Variants in TBC1D8 observed in about 807,000 individuals in gnomAD.
The protein encoded by TBC1D8 is TBC1 domain family member 8.
In TBC1D8, 65 loss-of-function variants were observed where a neutral mutation model predicts 118.8. That is an observed-to-expected ratio of 0.55 (90% CI 0.45 to 0.67). The LOEUF is 0.67. Among genes scored for constraint, TBC1D8 ranks in the 30% least tolerant of loss-of-function variants. TBC1D8 has a pLI of 0.00. For synonymous variants in TBC1D8, 566 were observed against 595.8 expected, an observed-to-expected ratio of 0.95 and a Z score of 0.73; for missense variants, 1,376 against 1,471.2, an observed-to-expected ratio of 0.94 and a Z score of 1.06.
At position 101,146,896 on chromosome 2, in the gene TBC1D8, ACT is replaced by A. The variant is rs1679339802; in HGVS notation, c.127+4229_127+4230del. On this transcript the variant is annotated intron_variant, in intron 1 of 19. Transcript: ENST00000409318. ...CTCCCATCCTGGTAACCACTGTTCT[ACT>A]CTCTGCTTTTATAATACCAACTTTT... 3.9e-5 allele frequency among the ~76,000 whole-genome samples: 6 copies of A among 152,218 alleles called. No individual in the cohort carries two copies. In the South Asian group the frequency reaches 1.0e-3, roughly 26 times the overall value.
rs578006340 is a variant in TBC1D8, at chr2:101,128,921, G to A, written c.127+22206C>T. 6.0e-5 allele frequency among the ~76,000 whole-genome samples: 9 copies of A among 151,244 alleles called. No individual in the cohort carries two copies. The East Asian group carries it at 1.4e-3, about 23-fold the overall frequency. ...AGTAGAATGATGGTTACCATAGAGG[G>A]AGGGAGCAGTGGTTACCATAGAGGG... On this transcript the variant is annotated intron_variant, in intron 1 of 19. Transcript: ENST00000409318.
intron 1 of TBC1D8, among the ~76,000 whole-genome samples, chr2:101,130,395 A>C (rs1003932677): frequency 6.6e-6 from 1 of 152,200 alleles, no homozygotes; most frequent in Non-Finnish European, 1.5e-5. Flanking sequence ...CCCCTCACCA[A>C]GTCGGACCCT....
chr2:101,098,173 A>G (rs935874054), intron 1 of TBC1D8, among the ~76,000 whole-genome samples: 1 of 152,174 alleles, frequency 6.6e-6, no homozygotes, highest in East Asian at 1.9e-4. Flanking sequence ...TGGGCGGAGT[A>G]CCTGAGGTCA....
intron 1 of TBC1D8, among the ~76,000 whole-genome samples, chr2:101,137,311 G>A (rs1200531852): frequency 2.0e-5 from 3 of 147,048 alleles, no homozygotes; most frequent in East Asian, 2.1e-4. Context: ...GGGATTACAG[G>A]CGTGAGCCAC....
intron 19 of TBC1D8, among the ~76,000 whole-genome samples, chr2:101,009,835 T>G (rs1338347501): frequency 6.6e-6 from 1 of 151,472 alleles, no homozygotes; most frequent in Non-Finnish European, 1.5e-5. Flanking sequence ...TTCTTTTTTT[T>G]TTTTGAGATG....
At chr2:101,055,129 C>T (rs1347898838) in intron 3 of TBC1D8, among the ~76,000 whole-genome samples, 1 of 151,820 alleles carries the variant, frequency 6.6e-6, no homozygotes, top group African/African-American at 2.4e-5. Context: ...GTGGTTCACA[C>T]CTGTAATCCC....
intron 2 of TBC1D8, among the ~76,000 whole-genome samples, chr2:101,079,901 C>G (rs144227456): frequency 6.6e-6 from 1 of 151,728 alleles, no homozygotes; most frequent in Non-Finnish European, 1.5e-5. Context: ...TTAGCTAGGA[C>G]GGTCTCGATC....
intron 4 of TBC1D8, 25 bp from the exon 5 acceptor site, chr2:101,050,666 C>T: frequency 6.2e-7 from 1 of 1,602,806 alleles, no homozygotes; most frequent in African/African-American, 1.3e-5. Flanking sequence ...GGTGAAATAC[C>T]TATTATGCCA....
chr2:101,088,852 A>G (rs1434408993), intron 2 of TBC1D8, among the ~76,000 whole-genome samples: 3 of 152,108 alleles, frequency 2.0e-5, no homozygotes, highest in Non-Finnish European at 4.4e-5. Flanking sequence ...GATTACAGGC[A>G]TGAGCCACCA....
intron 1 of TBC1D8, among the ~76,000 whole-genome samples, chr2:101,126,681 A>G (rs1448675950): frequency 6.6e-6 from 1 of 152,254 alleles, no homozygotes; most frequent in Non-Finnish European, 1.5e-5. Flanking sequence ...TATTACTACA[A>G]TGCTAATAAG....
chr2:101,086,299 A>G (rs1301316674), intron 2 of TBC1D8, among the ~76,000 whole-genome samples: 1 of 152,218 alleles, frequency 6.6e-6, no homozygotes. Context: ...AATGAAAAGC[A>G]GATAACAGCT....
rs188634305 is a variant in TBC1D8, at chr2:101,128,445, C to G, written c.127+22682G>C. Among the ~76,000 whole-genome samples, 249 of 152,290 alleles carry G rather than the reference C, an allele frequency of 1.6e-3. No individual in the cohort carries two copies. The South Asian group carries it at 0.018, about 11-fold the overall frequency. On this transcript the variant is annotated intron_variant, in intron 1 of 19. Coordinates refer to ENST00000409318, the MANE Select transcript of TBC1D8 (RefSeq NM_001330348.2). Reference sequence around the variant, plus strand: ...AGCCAGGGGCCCATGACTGGGGCCTCAGCCCCAGCAAATTCAGTACAATGC... The same window carrying G: ...AGCCAGGGGCCCATGACTGGGGCCTGAGCCCCAGCAAATTCAGTACAATGC...
At position 101,022,345 on chromosome 2, in the gene TBC1D8, C is replaced by T. The variant is rs755687139; in HGVS notation, c.2697G>A (p.Thr899=). Residue 899 remains threonine, a synonymous_variant, in exon 16 of 20, where the codon ACG becomes ACA. Coordinates refer to ENST00000409318, the MANE Select transcript of TBC1D8 (RefSeq NM_001330348.2). ...CCATGTTGTCATCCAAGAGCCTGAACGTCCTTTCGGCGAGGATCTCCGTGT... is the reference window on the plus strand; with the variant it reads ...CCATGTTGTCATCCAAGAGCCTGAATGTCCTTTCGGCGAGGATCTCCGTGT... ...GAHTEILAER[T]FRLLDDNMDQ... The T allele has an allele frequency of 5.6e-5, 90 of 1,612,510 alleles. No individual in the cohort carries two copies. The highest frequency in any genetic ancestry group is 1.7e-4 in the Middle Eastern group (1 of 6,058).
At chr2:101,041,182 A>C (rs1382070498) in intron 5 of TBC1D8, among the ~76,000 whole-genome samples, 2 of 152,150 alleles carry the variant, frequency 1.3e-5, no homozygotes, top group Admixed American at 1.3e-4. Flanking sequence ...AAGAAATTCC[A>C]CTCCTAGGTA....
At chr2:101,062,803 G>GT (rs1558666127) in intron 2 of TBC1D8, among the ~76,000 whole-genome samples, 2 of 152,198 alleles carry the variant, frequency 1.3e-5, no homozygotes, top group East Asian at 3.9e-4. Flanking sequence ...CACCACGCCT[G>GT]GCTAACTTTT....
intron 17 of TBC1D8, among the ~76,000 whole-genome samples, chr2:101,013,919 A>G (rs908378622): frequency 6.6e-6 from 1 of 152,248 alleles, no homozygotes; most frequent in African/African-American, 2.4e-5. Context: ...AGTGGTTGGA[A>G]ACAGCAATCA....
chr2:101,087,082 C>T (rs1477868445), intron 2 of TBC1D8, among the ~76,000 whole-genome samples: 1 of 152,178 alleles, frequency 6.6e-6, no homozygotes, highest in African/African-American at 2.4e-5. Flanking sequence ...CCGCGCCCGG[C>T]TGAATTTCAT....
chr2:101,014,830 T>C (rs566082472), intron 17 of TBC1D8, among the ~76,000 whole-genome samples: 1 of 152,332 alleles, frequency 6.6e-6, no homozygotes, highest in Non-Finnish European at 1.5e-5. Context: ...GGGTATAACT[T>C]GAGTGCCAAA....
intron 5 of TBC1D8, among the ~76,000 whole-genome samples, chr2:101,040,600 G>A (rs1369854501): frequency 5.3e-5 from 8 of 152,350 alleles, no homozygotes; most frequent in Admixed American, 5.2e-4. Context: ...CTCCCAAGTA[G>A]CTGGGATTAC....
Sources: gnomAD v4.1 joint callset for allele counts (sites outside exome capture counted in the v4.1 genomes callset) on GRCh38, gnomAD v4.1.1 for gene constraint, MANE v1.5 for transcripts, NCBI Gene and HGNC (gene_info 2026-07-23, HGNC 2026-07-21) for gene names.